Variants in SYNJ2 observed in about 807,000 individuals in gnomAD.
SYNJ2 encodes the protein synaptojanin 2, also known as polyphosphatidylinositol phosphatase SYNJ2.
A neutral mutation model predicts 141.3 loss-of-function variants in SYNJ2; 116 were observed. The observed-to-expected ratio is 0.82, with a 90% CI of 0.71 to 0.96. The LOEUF is 0.96. Ranked by LOEUF, SYNJ2 falls within the 40% of genes least tolerant of loss-of-function variation. SYNJ2 has a pLI of 0.00. For synonymous variants in SYNJ2, 745 were observed against 777.7 expected (o/e 0.96, Z 0.70); for missense variants, 1,873 against 1,934.8 (o/e 0.97, Z 0.60).
At chr6:158,091,174 G>A (rs763968999) in intron 25 of SYNJ2, among the ~76,000 whole-genome samples, 10 of 151,424 alleles carry the variant, frequency 6.6e-5, no homozygotes, top group African/African-American at 1.2e-4. Flanking sequence ...AAAATTAGCC[G>A]GGCGTGATGG....
chr6:158,006,193 G>A (rs961467490), intron 1 of SYNJ2, among the ~76,000 whole-genome samples: 9 of 152,034 alleles, frequency 5.9e-5, no homozygotes, highest in African/African-American at 2.2e-4. Flanking sequence ...ACGCACACAT[G>A]CACATATGCA....
At chr6:158,075,469 C>G (rs147939193) in intron 16 of SYNJ2, among the ~76,000 whole-genome samples, 1,545 of 151,618 alleles carry the variant, frequency 0.01, 30 homozygotes, top group African/African-American at 0.035. Context: ...GGTGAAACCC[C>G]ATCTCTACTA....
chr6:158,014,029 G>A (rs146665054), intron 1 of SYNJ2, among the ~76,000 whole-genome samples: 2 of 152,266 alleles, frequency 1.3e-5, no homozygotes, highest in Admixed American at 6.5e-5. Flanking sequence ...ACTTAACAAC[G>A]GTGTGAAAGT....
Position 158,081,311 on chromosome 6 carries a change from A to T in SYNJ2, c.2770A>T (p.Thr924Ser). Residue 924 changes from threonine (T) to serine (S), a missense_variant, in exon 19 of 27, where the codon ACA becomes TCA. Thr to Ser is a moderately conservative substitution (Grantham distance 58, BLOSUM62 1). Transcript: ENST00000355585. ...ELMQTLGSYGTIVLVRINQGQ... is the reference protein window; with the variant it reads ...ELMQTLGSYGSIVLVRINQGQ... ...CATGCAGACCTTGGGGAGTTATGGG[A>T]CAATTGTTCTTGTCAGGTAACTGCT... 1 of 1,614,074 alleles carries T rather than the reference A, an allele frequency of 6.2e-7. No individual in the cohort carries two copies. The highest frequency in any genetic ancestry group is 8.5e-7 in the Non-Finnish European group (1 of 1,180,014).
rs147476983 is a variant in SYNJ2 at position 157,991,427 on chromosome 6, A to G, written c.127+9339A>G. ...AGCTCCCAGGTGATGCTGATCCACG[A>G]CCAGCTTTGAGTACCAGGATCTCGC... On this transcript the variant is annotated intron_variant, in intron 1 of 26. Transcript: ENST00000355585. Among the ~76,000 whole-genome samples the G allele has an allele frequency of 6.9e-3, 1,054 of 152,288 alleles. 12 individuals are homozygous for G. Among genetic ancestry groups the G allele is most frequent in the Non-Finnish European group, 8.0e-3 (542 of 68,034 alleles).
At position 158,071,868 on chromosome 6, in the gene SYNJ2, A is replaced by G; in HGVS notation, c.2133+74A>G. The G allele has an allele frequency of 6.6e-7, 1 of 1,524,322 alleles. No individual in the cohort carries two copies. Among genetic ancestry groups the G allele is most frequent in the South Asian group, 1.2e-5 (1 of 80,290 alleles). The allele number at this position is 1,524,322 out of a possible 1,614,324, so 94.4% of individuals were successfully genotyped here. A position where few individuals can be genotyped will look rare whatever the true frequency, so the allele number is the denominator to read the frequency against. On this transcript the variant is annotated intron_variant, in intron 15 of 26. Coordinates refer to ENST00000355585, the MANE Select transcript of SYNJ2 (RefSeq NM_003898.4). The surrounding 1 kb of genome is among the most constrained non-coding windows in gnomAD (Gnocchi z 4.3). ...CCAAATGTGACTGTTGATAGGAGCC[A>G]GGCACTGGGGACACAACCACAGGGA...
At chr6:158,059,610 A>G (rs1781087281) in intron 7 of SYNJ2, 2 of 1,143,374 alleles carry the variant, frequency 1.7e-6, no homozygotes, top group Admixed American at 4.5e-5. Context: ...GCTGGAGTGC[A>G]GTGGTGCAAT....
intron 13 of SYNJ2, among the ~76,000 whole-genome samples, chr6:158,069,204 G>C (rs1781756352): frequency 6.6e-6 from 1 of 152,070 alleles, no homozygotes; most frequent in South Asian, 2.1e-4. Context: ...AGTCAACTGG[G>C]CGCTCCCCCC....
At chr6:158,088,859 A>C (rs903826300) in intron 24 of SYNJ2, 87 bp downstream of exon 24, 90 of 968,456 alleles carry the variant, frequency 9.3e-5, no homozygotes, top group Non-Finnish European at 1.3e-4. Flanking sequence ...ATATAGATTT[A>C]TGTGTCTTTA....
intron 5 of SYNJ2, among the ~76,000 whole-genome samples, chr6:158,050,484 A>C (rs1375530740): frequency 6.6e-6 from 1 of 152,262 alleles, no homozygotes; most frequent in East Asian, 1.9e-4. Context: ...TGTTGTCAGC[A>C]GTGATACTGG....
intron 24 of SYNJ2, 51 bp from the exon 25 acceptor site, chr6:158,089,788 C>A: frequency 7.0e-7 from 1 of 1,430,050 alleles, no homozygotes; most frequent in Non-Finnish European, 9.8e-7. Context: ...TCCCACGAGG[C>A]TGTCCTCCTG....
chr6:158,045,099 C>CTTTT (rs761042284), intron 5 of SYNJ2, among the ~76,000 whole-genome samples: 1 of 112,284 alleles, frequency 8.9e-6, no homozygotes, highest in Non-Finnish European at 1.8e-5. Context: ...AGGGGTCCTC[C>CTTTT]TTTTTTTTTT....
Position 158,064,957 on chromosome 6 carries a change from AG to A in SYNJ2, c.1496del (p.Gly499AlafsTer11). 1 of 1,609,244 alleles carries A rather than the reference AG, an allele frequency of 6.2e-7. No homozygotes were observed. The highest frequency in any genetic ancestry group is 8.5e-7 in the Non-Finnish European group (1 of 1,177,778). On this transcript the variant is annotated frameshift_variant, in exon 11 of 27. Coordinates refer to ENST00000355585, the MANE Select transcript of SYNJ2 (RefSeq NM_003898.4). LOFTEE classifies it high-confidence loss of function. ...DVYGEEVADK[G>X]GMLLDSTALL... ...TCTACGGCGAGGAGGTGGCAGACAA[AG>A]GGGGCATGCTGCTGGACAGCACGGC... is the stretch of plus-strand genomic sequence containing the variant.
At chr6:158,009,737 G>A (rs1030274817) in intron 1 of SYNJ2, among the ~76,000 whole-genome samples, 2 of 152,336 alleles carry the variant, frequency 1.3e-5, no homozygotes, top group Admixed American at 1.3e-4. Context: ...CTGCAGAGGT[G>A]TGCTTCCAGC....
intron 5 of SYNJ2, among the ~76,000 whole-genome samples, chr6:158,047,792 A>AAAAAAAAAAC (rs1780330308): frequency 6.7e-6 from 1 of 149,262 alleles, no homozygotes; most frequent in Non-Finnish European, 1.5e-5. Context: ...AAAAAAAAAA[A>AAAAAAAAAAC]AAAAAAAAAA....
chr6:158,039,571 T>A (rs931355104), intron 4 of SYNJ2, among the ~76,000 whole-genome samples: 5 of 152,238 alleles, frequency 3.3e-5, no homozygotes, highest in Admixed American at 2.0e-4. Context: ...GGGCCTGGGT[T>A]GGGACGGTGT....
rs1782728582 is a variant in SYNJ2 at position 158,082,102 on chromosome 6, T to G, written c.2865+592T>G. ...TGGCTTATGCTTGTAATCCCAGCAC[T>G]TTGTCAGGCCAAGGTGGGTAGATCA... On this transcript the variant is annotated intron_variant, in intron 20 of 26. Coordinates refer to ENST00000355585, the MANE Select transcript of SYNJ2 (RefSeq NM_003898.4). Among the ~76,000 whole-genome samples the G allele has an allele frequency of 2.0e-5, 3 of 152,146 alleles. No individual in the cohort carries two copies. In the South Asian group the frequency reaches 6.2e-4, roughly 32 times the overall value.
At chr6:157,992,901 A>G (rs1226510362) in intron 1 of SYNJ2, among the ~76,000 whole-genome samples, 3 of 152,228 alleles carry the variant, frequency 2.0e-5, no homozygotes, top group South Asian at 4.1e-4. Context: ...GCTGCAACTA[A>G]CATGGGAGTG....
intron 25 of SYNJ2, among the ~76,000 whole-genome samples, chr6:158,090,542 GTTT>G (rs58356198): frequency 2.6e-5 from 3 of 113,924 alleles, no homozygotes; most frequent in Non-Finnish European, 5.3e-5. Flanking sequence ...TTTTTTTTTT[GTTT>G]TTTTTTTTTT....
Sources: allele counts gnomAD v4.1 joint callset (sites outside exome capture counted in the v4.1 genomes callset), GRCh38; gene constraint gnomAD v4.1.1; non-coding constraint Gnocchi (gnomAD v3.1); transcripts MANE v1.5; gene names NCBI Gene and HGNC (gene_info 2026-07-23, HGNC 2026-07-21).